The following PLPP3 variants were observed in gnomAD, a reference collection of about 807,000 sequenced individuals.
PLPP3 encodes the protein phospholipid phosphatase 3, also known as PAP2 beta.
Under a neutral mutation model 29.6 loss-of-function variants are expected in PLPP3, and 6 were observed. That is an observed-to-expected ratio of 0.20 (90% CI 0.11 to 0.40). The LOEUF (loss-of-function observed/expected upper bound fraction) is 0.40. Ranked by LOEUF, PLPP3 falls within the 10% of genes least tolerant of loss-of-function variation. The pLI is 1.00. For missense variants in PLPP3, 308 were observed against 407.7 expected, an observed-to-expected ratio of 0.76 and a Z score of 2.11; for synonymous variants, 152 against 159.7, an observed-to-expected ratio of 0.95 and a Z score of 0.36.
chr1:56,511,948 T>G, intron 5 of PLPP3, 28 bp downstream of exon 5: 3 of 1,611,694 alleles, frequency 1.9e-6, no homozygotes, highest in Middle Eastern at 3.3e-4. Context: ...GGGCTCCACT[T>G]GCATATTGAG....
intron 2 of PLPP3, among the ~76,000 whole-genome samples, chr1:56,527,876 T>C (rs1645862035): frequency 6.6e-6 from 1 of 152,170 alleles, no homozygotes; most frequent in Non-Finnish European, 1.5e-5. Context: ...GTTACACACC[T>C]AACTCTCGAG....
chr1:56,501,967 G>A (rs1325584266), intron 5 of PLPP3, among the ~76,000 whole-genome samples: 1 of 152,212 alleles, frequency 6.6e-6, no homozygotes, highest in African/African-American at 2.4e-5. Flanking sequence ...CACTCAAAGA[G>A]GAAGATGCTT....
chr1:56,504,473 T>C (rs952148745), intron 5 of PLPP3, among the ~76,000 whole-genome samples: 3 of 152,044 alleles, frequency 2.0e-5, no homozygotes, highest in Non-Finnish European at 2.9e-5. Flanking sequence ...CTTAGGAACA[T>C]AGTACCCAAA....
chr1:56,519,432 A>G (rs1029100667), intron 4 of PLPP3, among the ~76,000 whole-genome samples: 4 of 152,168 alleles, frequency 2.6e-5, no homozygotes, highest in African/African-American at 7.2e-5. Context: ...TAAATTATGC[A>G]AGGGCTGTAA....
intron 2 of PLPP3, among the ~76,000 whole-genome samples, chr1:56,536,532 A>C (rs1184222506): frequency 1.3e-5 from 2 of 152,214 alleles, no homozygotes; most frequent in African/African-American, 4.8e-5. Context: ...GGCAAGTCAA[A>C]AGAAAACTAC....
intron 1 of PLPP3, among the ~76,000 whole-genome samples, chr1:56,569,994 G>C (rs1336128199): frequency 1.3e-5 from 2 of 152,212 alleles, no homozygotes; most frequent in African/African-American, 2.4e-5. Flanking sequence ...CTCCCTTAAG[G>C]CTCCAAAGTC....
chr1:56,500,261 A>C (rs778721981), intron 5 of PLPP3, among the ~76,000 whole-genome samples: 2 of 152,212 alleles, frequency 1.3e-5, no homozygotes, highest in South Asian at 2.1e-4. Context: ...AATGAGTTAG[A>C]CAGCCAGGTA....
At chr1:56,497,764 G>C (rs1274876678) in intron 5 of PLPP3, among the ~76,000 whole-genome samples, 1 of 152,144 alleles carries the variant, frequency 6.6e-6, no homozygotes, top group Non-Finnish European at 1.5e-5. Context: ...CAAAACTAAG[G>C]CTCTGGCGAT....
At chr1:56,509,832 CAAA>C (rs59418227) in intron 5 of PLPP3, among the ~76,000 whole-genome samples, 5 of 86,166 alleles carry the variant, frequency 5.8e-5, no homozygotes, top group Admixed American at 1.4e-4. Context: ...GCGAGACTCT[CAAA>C]AAAAAAAAAA....
intron 5 of PLPP3, among the ~76,000 whole-genome samples, chr1:56,508,792 G>A (rs768309831): frequency 6.6e-6 from 1 of 152,018 alleles, no homozygotes; most frequent in Non-Finnish European, 1.5e-5. Flanking sequence ...CCTCTCCCAG[G>A]CACCTGGTGC....
At chr1:56,552,662 C>T (rs1450366090) in intron 1 of PLPP3, among the ~76,000 whole-genome samples, 1 of 152,124 alleles carries the variant, frequency 6.6e-6, no homozygotes, top group African/African-American at 2.4e-5. Flanking sequence ...TGCAGTTCTC[C>T]TCTCCCTTTC....
intron 4 of PLPP3, among the ~76,000 whole-genome samples, chr1:56,521,601 C>T (rs1431286332): frequency 2.0e-5 from 3 of 152,040 alleles, no homozygotes; most frequent in African/African-American, 7.2e-5. Context: ...CAGGGTCTCC[C>T]TGTGCTGTCC....
intron 5 of PLPP3, among the ~76,000 whole-genome samples, chr1:56,509,098 C>G (rs930136114): frequency 4.6e-5 from 7 of 152,132 alleles, no homozygotes; most frequent in African/African-American, 1.7e-4. Context: ...CCATGAGGTC[C>G]CACTGAGCAC....
intron 5 of PLPP3, among the ~76,000 whole-genome samples, chr1:56,498,075 GCTA>G (rs1272305698): frequency 6.6e-6 from 1 of 151,644 alleles, no homozygotes; most frequent in Non-Finnish European, 1.5e-5. Context: ...CTATTTCTAT[GCTA>G]CTACAAGAAA....
intron 1 of PLPP3, among the ~76,000 whole-genome samples, chr1:56,569,371 A>C (rs1408845929): frequency 6.6e-6 from 1 of 151,788 alleles, no homozygotes; most frequent in African/African-American, 2.4e-5. Flanking sequence ...ACGGGGTTTC[A>C]CTATGTTGGC....
At chr1:56,512,279 G>A (rs1395618244) in intron 4 of PLPP3, 127 bp from the exon 5 acceptor site, 1 of 896,972 alleles carries the variant, frequency 1.1e-6, no homozygotes, top group East Asian at 3.0e-5. Flanking sequence ...GCATGTTGTA[G>A]ATACAGCAAT....
chr1:56,579,126 G>A lies in PLPP3; in HGVS notation c.-110C>T. ...GGCCGAGGCTGCTGCGGATAGTGGC[G>A]GGTCGGCCCCGGCTCCGGGCGCGGC... On this transcript the variant is annotated 5_prime_UTR_variant, in exon 1 of 6. Transcript: ENST00000371250. 4.2e-6 allele frequency: 6 copies of A among 1,443,510 alleles called. No homozygotes were observed. In the South Asian group the frequency reaches 7.9e-5, roughly 19 times the overall value. The allele number at this position is 1,443,510 out of a possible 1,614,324, so 89.4% of individuals were successfully genotyped here.
At chr1:56,549,210 C>T (rs149067894) in intron 1 of PLPP3, among the ~76,000 whole-genome samples, 1 of 152,244 alleles carries the variant, frequency 6.6e-6, no homozygotes, top group Non-Finnish European at 1.5e-5. Context: ...CCACTGGAGG[C>T]GTTCTATTCT....
chr1:56,568,900 C>T (rs1370165373), intron 1 of PLPP3, among the ~76,000 whole-genome samples: 1 of 152,072 alleles, frequency 6.6e-6, no homozygotes, highest in Non-Finnish European at 1.5e-5. Flanking sequence ...GCTGGGATTA[C>T]AGGCGTGAGC....
Sources: allele counts gnomAD v4.1 joint callset (sites outside exome capture counted in the v4.1 genomes callset), GRCh38; gene constraint gnomAD v4.1.1; transcripts MANE v1.5; gene names NCBI Gene and HGNC (gene_info 2026-07-23, HGNC 2026-07-21).